The following CLVS1 variants were observed in gnomAD, a reference collection of about 807,000 sequenced individuals.
The protein encoded by CLVS1 is clavesin-1.
Under a neutral mutation model 33.1 loss-of-function variants are expected in CLVS1, and 10 were observed. That is an observed-to-expected ratio of 0.30 (90% CI 0.19 to 0.51). The LOEUF is 0.51. CLVS1 is among the 20% of genes least tolerant of loss of function. The pLI is 0.97. For missense variants in CLVS1, 343 were observed against 433.4 expected (o/e 0.79, Z 1.85); for synonymous variants, 163 against 166.1 (o/e 0.98, Z 0.14).
At chr8:61,310,983 T>A (rs1310308022) in intron 2 of CLVS1, among the ~76,000 whole-genome samples, 2 of 152,198 alleles carry the variant, frequency 1.3e-5, no homozygotes, top group Admixed American at 1.3e-4. Context: ...TAATATGTAT[T>A]CTGTAGAACT....
chr8:61,107,060 T>G (rs545214521), intron 1 of CLVS1, among the ~76,000 whole-genome samples: 19 of 152,352 alleles, frequency 1.2e-4, no homozygotes, highest in African/African-American at 4.3e-4. Context: ...CTCTCTCCCA[T>G]AAATGATCCT....
chr8:61,464,690 C>G (rs1293133548), intron 5 of CLVS1: 1 of 152,198 alleles, frequency 6.6e-6, no homozygotes, highest in Non-Finnish European at 1.5e-5. Context: ...GACTAGCTAG[C>G]AGGAGAAGCT....
intron 2 of CLVS1, among the ~76,000 whole-genome samples, chr8:61,371,479 A>G (rs935265297): frequency 6.6e-6 from 1 of 152,226 alleles, no homozygotes; most frequent in Non-Finnish European, 1.5e-5. Flanking sequence ...ACAAAAAATT[A>G]GTACAGGAAT....
intron 5 of CLVS1, among the ~76,000 whole-genome samples, chr8:61,467,862 G>A (rs1177147498): frequency 2.0e-5 from 3 of 152,118 alleles, no homozygotes; most frequent in Non-Finnish European, 2.9e-5. Flanking sequence ...AGATCTGGAG[G>A]AAGTCCTTAG....
chr8:61,435,770 T>A (rs1190562397), intron 3 of CLVS1, among the ~76,000 whole-genome samples: 1 of 152,050 alleles, frequency 6.6e-6, no homozygotes, highest in African/African-American at 2.4e-5. Context: ...GAATATAAAA[T>A]AAAGGCAGAA....
intron 2 of CLVS1, among the ~76,000 whole-genome samples, chr8:61,256,247 G>T (rs1361781340): frequency 1.3e-5 from 2 of 152,192 alleles, no homozygotes; most frequent in East Asian, 1.9e-4. Flanking sequence ...AGGCGCGGTG[G>T]CTCACGCCTG....
At chr8:61,055,727 A>G (rs1643643971), upstream of CLVS1, among the ~76,000 whole-genome samples, 1 of 152,218 alleles carries the variant, frequency 6.6e-6, no homozygotes, top group Non-Finnish European at 1.5e-5. Context: ...ATCTCTATGA[A>G]GTGAGCAGAA....
chr8:60,980,083 G>A, the CLVS1 span, among the ~76,000 whole-genome samples: 15 of 152,312 alleles, frequency 9.8e-5, no homozygotes, highest in African/African-American at 3.6e-4. Flanking sequence ...GCTTAGGAGG[G>A]AGAAGTAGAA....
intron 1 of CLVS1, among the ~76,000 whole-genome samples, chr8:61,122,133 C>T (rs1805883017): frequency 6.6e-6 from 1 of 152,178 alleles, no homozygotes; most frequent in Non-Finnish European, 1.5e-5. Flanking sequence ...TTGGTAGACA[C>T]AACTTACAGA....
At chr8:60,971,463 G>A in the CLVS1 span, among the ~76,000 whole-genome samples, 4 of 152,328 alleles carry the variant, frequency 2.6e-5, no homozygotes, top group South Asian at 8.3e-4. Flanking sequence ...GGACAGTAAT[G>A]CTCACTTTGA....
chr8:61,161,588 T>A (rs1347901213), intron 2 of CLVS1, among the ~76,000 whole-genome samples: 1 of 151,846 alleles, frequency 6.6e-6, no homozygotes, highest in Admixed American at 6.6e-5. Flanking sequence ...ATATGTGGAG[T>A]CTAAAAAAGT....
chr8:61,442,674 A>T (rs752810133), intron 3 of CLVS1, among the ~76,000 whole-genome samples: 18 of 152,030 alleles, frequency 1.2e-4, no homozygotes, highest in Non-Finnish European at 1.8e-4. Flanking sequence ...ATCTTGGCTC[A>T]CCACAACCTC....
chr8:61,004,540 G>C, the CLVS1 span, among the ~76,000 whole-genome samples: 1 of 152,346 alleles, frequency 6.6e-6, no homozygotes, highest in East Asian at 1.9e-4. Context: ...TTAGACTGTG[G>C]CACAGACAGA....
intron 2 of CLVS1, among the ~76,000 whole-genome samples, chr8:61,272,090 G>A (rs1192306529): frequency 3.3e-4 from 50 of 151,248 alleles, no homozygotes; most frequent in African/African-American, 1.2e-3. Context: ...TCCTAGTCTC[G>A]ATGGTCTTTA....
At chr8:61,096,911 A>C (rs1805361423) in intron 1 of CLVS1, among the ~76,000 whole-genome samples, 1 of 152,148 alleles carries the variant, frequency 6.6e-6, no homozygotes, top group Non-Finnish European at 1.5e-5. Flanking sequence ...TGTCCTCTCC[A>C]CTAGCATCGT....
chr8:61,463,218 G>A (rs1817430214), intron 5 of CLVS1, among the ~76,000 whole-genome samples: 1 of 152,198 alleles, frequency 6.6e-6, no homozygotes, highest in Non-Finnish European at 1.5e-5. Context: ...ATTGAAGAGA[G>A]TTAGGATCTT....
the CLVS1 span, among the ~76,000 whole-genome samples, chr8:60,982,699 A>C: frequency 6.6e-6 from 1 of 152,184 alleles, no homozygotes; most frequent in Non-Finnish European, 1.5e-5. Context: ...TTTTAACTGC[A>C]GCCTGAAAGA....
the CLVS1 span, among the ~76,000 whole-genome samples, chr8:60,970,038 A>G: frequency 6.6e-6 from 1 of 152,226 alleles, no homozygotes; most frequent in Non-Finnish European, 1.5e-5. Flanking sequence ...TCAAGGAGCA[A>G]CTGTATTATT....
At chr8:61,137,277 C>T (rs1469558080) in intron 2 of CLVS1, among the ~76,000 whole-genome samples, 1 of 152,076 alleles carries the variant, frequency 6.6e-6, no homozygotes, top group African/African-American at 2.4e-5. Context: ...GTGCCAGGTA[C>T]TTTTGCTTTA....
Sources: gnomAD v4.1 joint callset for allele counts (sites outside exome capture counted in the v4.1 genomes callset) on GRCh38, gnomAD v4.1.1 for gene constraint, MANE v1.5 for transcripts, NCBI Gene and HGNC (gene_info 2026-07-23, HGNC 2026-07-21) for gene names.